The following INKA2 variants were observed in gnomAD, a reference collection of about 807,000 sequenced individuals.
The protein encoded by INKA2 is PAK4-inhibitor INKA2.
A neutral mutation model predicts 9.8 loss-of-function variants in INKA2; 3 were observed. The observed-to-expected ratio is 0.31, with a 90% CI of 0.14 to 0.79. INKA2 has a LOEUF of 0.79. Ranked by LOEUF, INKA2 falls within the 30% of genes least tolerant of loss-of-function variation. The pLI, the probability that INKA2 is intolerant of heterozygous loss-of-function variation, is 0.62. For synonymous variants in INKA2, 147 were observed against 143.3 expected (o/e 1.03, Z -0.18); for missense variants, 392 against 384.4 (o/e 1.02, Z -0.17).
chr1:111,755,548 C>A (rs1014114946), intron 1 of INKA2: 6 of 801,086 alleles, frequency 7.5e-6, no homozygotes, highest in Admixed American at 6.4e-5. Context: ...GAGACGGGGG[C>A]GTGACGCACC....
chr1:111,750,285 C>T (rs1200198638), intron 1 of INKA2, among the ~76,000 whole-genome samples: 1 of 152,178 alleles, frequency 6.6e-6, no homozygotes, highest in African/African-American at 2.4e-5. Context: ...GCTAGTTCTC[C>T]CTCTTTCCTA....
chr1:111,749,090 A>T (rs1663337456), intron 1 of INKA2, among the ~76,000 whole-genome samples: 1 of 152,232 alleles, frequency 6.6e-6, no homozygotes, highest in Non-Finnish European at 1.5e-5. Context: ...GCCTGAGGAC[A>T]GAGCTGTGCC....
intron 1 of INKA2, among the ~76,000 whole-genome samples, chr1:111,731,905 TC>T (rs987363026): frequency 6.6e-6 from 1 of 152,186 alleles, no homozygotes; most frequent in East Asian, 1.9e-4. Flanking sequence ...TCCTGTTTTT[TC>T]CCTCCCCACT....
intron 1 of INKA2, chr1:111,755,597 G>C: frequency 3.7e-6 from 5 of 1,346,852 alleles, no homozygotes; most frequent in Non-Finnish European, 5.0e-6. Context: ...CGGTGGCGCC[G>C]GGGGCACGGC....
rs1320308058 is a variant in INKA2 at position 111,725,737 on chromosome 1, T to A, written c.*1231A>T. The A allele has an allele frequency of 5.5e-6, 1 of 180,632 alleles. No homozygotes were observed. Among genetic ancestry groups the A allele is most frequent in the African/African-American group, 2.4e-5 (1 of 42,354 alleles). The allele number at this position is 180,632 out of a possible 1,614,324, so 11.2% of individuals were successfully genotyped here. A position where few individuals can be genotyped will look rare whatever the true frequency, so the allele number is the denominator to read the frequency against. Reference sequence around the variant, plus strand: ...ATGGGGCCCTACGAACTGTTTTTTTTTATTTTTTTTGAGACAGGGGAGTCT... The same window carrying A: ...ATGGGGCCCTACGAACTGTTTTTTTATATTTTTTTTGAGACAGGGGAGTCT... On this transcript the variant is annotated 3_prime_UTR_variant, in exon 2 of 2. Coordinates refer to ENST00000357260, the MANE Select transcript of INKA2 (RefSeq NM_019099.5).
At position 111,725,354 on chromosome 1, in the gene INKA2, T is replaced by C. The variant is rs1662742259; in HGVS notation, c.*1614A>G. 1 of 152,190 alleles carries C rather than the reference T, an allele frequency of 6.6e-6. No individual in the cohort carries two copies. The highest frequency in any genetic ancestry group is 1.5e-5 in the Non-Finnish European group (1 of 68,060). The allele number at this position is 152,190 out of a possible 1,614,324, so 9.4% of individuals were successfully genotyped here. A position where few individuals can be genotyped will look rare whatever the true frequency, so the allele number is the denominator to read the frequency against. On this transcript the variant is annotated 3_prime_UTR_variant, in exon 2 of 2. Transcript: ENST00000357260. ...GCCCAAAAGAAGATCCACATTGTCT[T>C]TTCCCAGCCAGTGAGTGTTCCCTAC...
chr1:111,729,742 G>T (rs979625731), intron 1 of INKA2, among the ~76,000 whole-genome samples: 1 of 152,238 alleles, frequency 6.6e-6, no homozygotes, highest in Non-Finnish European at 1.5e-5. Context: ...GGAGGGATCC[G>T]AAGGGCAGGC....
chr1:111,723,289 CCTT>C lies in INKA2; in HGVS notation c.*3676_*3678del, dbSNP rs1198537123. ...TGGGGATGTGGAGAGGACAGAGCAA[CCTT>C]CTTTGGGGCAAGTTTGGGTTCAGAG... On this transcript the variant is annotated 3_prime_UTR_variant, in exon 2 of 2. Coordinates refer to ENST00000357260, the MANE Select transcript of INKA2 (RefSeq NM_019099.5). 3.8e-6 allele frequency: 2 copies of C among 526,432 alleles called. No individual in the cohort carries two copies. Among genetic ancestry groups the C allele is most frequent in the East Asian group, 3.3e-5 (1 of 30,152 alleles). The allele number at this position is 526,432 out of a possible 1,614,324, so 32.6% of individuals were successfully genotyped here.
At chr1:111,731,767 C>T (rs1457675484) in intron 1 of INKA2, among the ~76,000 whole-genome samples, 1 of 152,232 alleles carries the variant, frequency 6.6e-6, no homozygotes, top group Non-Finnish European at 1.5e-5. Flanking sequence ...TAGGTGAATT[C>T]TGGCTGTTAG....
At chr1:111,752,052 T>G (rs1381071327) in intron 1 of INKA2, among the ~76,000 whole-genome samples, 1 of 152,140 alleles carries the variant, frequency 6.6e-6, no homozygotes, top group East Asian at 1.9e-4. Context: ...ACTGCTGGCA[T>G]GATGACCATT....
Position 111,726,570 on chromosome 1 carries a change from CT to C in INKA2, c.*397del. On this transcript the variant is annotated 3_prime_UTR_variant, in exon 2 of 2. Transcript: ENST00000357260. ...CTGGGGAACCTGATGCTCCAGGGCT[CT>C]TTTCCATACAGAATGTTCAACGGAG... is the stretch of plus-strand genomic sequence containing the variant. 1 of 208,182 alleles carries C rather than the reference CT, an allele frequency of 4.8e-6. No homozygotes were observed. 12.9% of individuals were successfully genotyped at this position (208,182 alleles called of 1,614,324 possible).
At position 111,727,170 on chromosome 1, in the gene INKA2, C is replaced by A; in HGVS notation, c.692G>T (p.Gly231Val). The A allele has an allele frequency of 6.2e-7, 1 of 1,614,224 alleles. No individual in the cohort carries two copies. Among genetic ancestry groups the A allele is most frequent in the South Asian group, 1.1e-5 (1 of 91,084 alleles). Residue 231 changes from glycine (G) to valine (V), a missense_variant, in exon 2 of 2, where the codon GGC (glycine) becomes GTC (valine). Physicochemically the swap from Gly to Val is moderately radical, Grantham distance 109. Transcript: ENST00000357260. ...CTCAGGGACCATGGGTGTCACCCAG[C>A]CTGGCTTCTCCTTCAGCAGCCGGTC... Reference protein sequence around the residue: ...DRDRLLKEKPGWVTPMVPESR... With the variant: ...DRDRLLKEKPVWVTPMVPESR...
chr1:111,722,175 C>G lies in INKA2; in HGVS notation c.*4793G>C, dbSNP rs1662663186. The G allele has an allele frequency of 6.6e-6, 1 of 152,222 alleles. No homozygotes were observed. The highest frequency in any genetic ancestry group is 6.5e-5 in the Admixed American group (1 of 15,274). 9.4% of individuals were successfully genotyped at this position (152,222 alleles called of 1,614,324 possible). On this transcript the variant is annotated 3_prime_UTR_variant, in exon 2 of 2. Coordinates refer to ENST00000357260, the MANE Select transcript of INKA2 (RefSeq NM_019099.5). ...ATGGCTGCAGTTTGAGCTGCTTTCC[C>G]CTAGGCCTTTCTGGTTCAGTCACCC... is the stretch of plus-strand genomic sequence containing the variant.
chr1:111,738,329 G>A (rs1663050423), intron 1 of INKA2, among the ~76,000 whole-genome samples: 1 of 152,068 alleles, frequency 6.6e-6, no homozygotes, highest in South Asian at 2.1e-4. Context: ...TATGAAGCCA[G>A]TGAGAATCAA....
rs750694210 is a variant in INKA2 at position 111,727,743 on chromosome 1, A to G, written c.119T>C (p.Leu40Pro). ...CACCTGGAGGAGCTTCAGTTCTTGC[A>G]GTGCACCCATCATGCAGTTCATCTG... The part of the protein sequence containing the change: ...QDQMNCMMGA[L>P]QELKLLQVQT... Residue 40 changes from leucine (L) to proline (P), a missense_variant, in exon 2 of 2, where the codon CTG (leucine) becomes CCG (proline). Physicochemically the swap from Leu to Pro is moderately conservative, Grantham distance 98 (BLOSUM62 -3). Coordinates refer to ENST00000357260, the MANE Select transcript of INKA2 (RefSeq NM_019099.5). 1 of 1,613,394 alleles carries G rather than the reference A, an allele frequency of 6.2e-7. No individual in the cohort carries two copies.
intron 1 of INKA2, among the ~76,000 whole-genome samples, chr1:111,748,666 T>C (rs1455560030): frequency 2.0e-5 from 3 of 152,114 alleles, no homozygotes; most frequent in African/African-American, 7.2e-5. Context: ...TTGCCTCCCC[T>C]CCCCCTGACC....
upstream of INKA2, among the ~76,000 whole-genome samples, chr1:111,743,968 C>A (rs1237866143): frequency 2.0e-5 from 3 of 152,230 alleles, no homozygotes; most frequent in Admixed American, 6.5e-5. Flanking sequence ...CTGTTTCTCT[C>A]TAGGGAGAGG....
At chr1:111,747,649 G>C (rs1438418821) in intron 1 of INKA2, 4 of 152,210 alleles carry the variant, frequency 2.6e-5, no homozygotes, top group African/African-American at 9.7e-5. Flanking sequence ...TATCTCAGCT[G>C]TGCTCTGGTA....
At chr1:111,748,396 C>T (rs1453500493) in intron 1 of INKA2, among the ~76,000 whole-genome samples, 1 of 152,194 alleles carries the variant, frequency 6.6e-6, no homozygotes, top group African/African-American at 2.4e-5. Flanking sequence ...CCCACTGCTA[C>T]CTTCTTGTGA....
Sources: allele counts gnomAD v4.1 joint callset (sites outside exome capture counted in the v4.1 genomes callset), GRCh38; gene constraint gnomAD v4.1.1; transcripts MANE v1.5; gene names NCBI Gene and HGNC (gene_info 2026-07-23, HGNC 2026-07-21).